Variants in AMDHD1 observed in about 807,000 individuals in gnomAD.
The protein encoded by AMDHD1 is probable imidazolonepropionase.
AMDHD1 carries 45 observed loss-of-function variants against 44.1 expected under a neutral mutation model. The observed-to-expected ratio is 1.02, with a 90% CI of 0.80 to 1.31. AMDHD1 has a LOEUF of 1.31. AMDHD1 is among the 50% of genes most tolerant of loss of function. AMDHD1 has a pLI of 0.00. For missense variants in AMDHD1, 586 were observed against 552.1 expected, an observed-to-expected ratio of 1.06 and a Z score of -0.61; for synonymous variants, 206 against 205.0, an observed-to-expected ratio of 1.00 and a Z score of -0.04.
At chr12:95,965,574 T>C (rs982506569) in intron 6 of AMDHD1, 112 bp from the exon 7 acceptor site, 7 of 595,544 alleles carry the variant, frequency 1.2e-5, no homozygotes, top group Non-Finnish European at 1.8e-5. Flanking sequence ...AGTTTCTGCT[T>C]CTTCTTCCAG....
At chr12:95,959,065 GA>G (rs11322266) in intron 4 of AMDHD1, among the ~76,000 whole-genome samples, 69,851 of 149,372 alleles carry the variant, frequency 0.47, 16,940 homozygotes, top group African/African-American at 0.6. Flanking sequence ...CAAAAAAGAA[GA>G]AAAAAAAAAG....
rs1191242665 is a variant in AMDHD1, at chr12:95,943,472, T to C, written c.74T>C (p.Phe25Ser). ...VVLVCARGER[F>S]LARDALRSLA... ...CTGGTGTGCGCCCGCGGCGAGCGCTTCCTGGCGCGGGATGCGCTGCGCAGC... is the reference window on the plus strand; with the variant it reads ...CTGGTGTGCGCCCGCGGCGAGCGCTCCCTGGCGCGGGATGCGCTGCGCAGC... The change falls in exon 1 of 9, where the codon TTC becomes TCC. Residue 25 changes from phenylalanine to serine, a missense_variant. By Grantham distance (155) the Phe-to-Ser change is radical. Transcript: ENST00000266736. The C allele has an allele frequency of 1.2e-5, 18 of 1,504,166 alleles. No individual in the cohort carries two copies. The highest frequency in any genetic ancestry group is 1.6e-5 in the Non-Finnish European group (18 of 1,131,058). The allele number at this position is 1,504,166 out of a possible 1,614,324, so 93.2% of individuals were successfully genotyped here.
intron 1 of AMDHD1, among the ~76,000 whole-genome samples, chr12:95,946,439 A>C (rs548650501): frequency 6.6e-6 from 1 of 152,130 alleles, no homozygotes; most frequent in Non-Finnish European, 1.5e-5. Flanking sequence ...GAGGATGCAA[A>C]AATGACTAAG....
intron 5 of AMDHD1, 146 bp from the exon 6 acceptor site, chr12:95,962,209 T>A: frequency 8.6e-7 from 1 of 1,159,160 alleles, no homozygotes; most frequent in Non-Finnish European, 1.2e-6. Context: ...GAGGTTGCAG[T>A]GAGCTGAGAT....
At chr12:95,963,427 T>C (rs1030061421) in intron 6 of AMDHD1, among the ~76,000 whole-genome samples, 1 of 152,174 alleles carries the variant, frequency 6.6e-6, no homozygotes, top group African/African-American at 2.4e-5. Context: ...AAGACATGAA[T>C]TGTACTGAGG....
At chr12:95,948,476 T>A (rs1481779916) in intron 1 of AMDHD1, among the ~76,000 whole-genome samples, 2 of 66,564 alleles carry the variant, frequency 3.0e-5, no homozygotes, top group Non-Finnish European at 5.7e-5. Context: ...AGCCGCCCCG[T>A]CCGGGAGGGA....
chr12:95,962,269 TAA>T (rs1491131015), intron 5 of AMDHD1, 84 bp from the exon 6 acceptor site: 6 of 1,213,616 alleles, frequency 4.9e-6, no homozygotes, highest in East Asian at 8.4e-5. Flanking sequence ...GTCTCAAAAA[TAA>T]AACAAACAAA....
At position 95,943,487 on chromosome 12, in the gene AMDHD1, C is replaced by A; in HGVS notation, c.89C>A (p.Ala30Glu). Residue 30 changes from alanine (A) to glutamate (E), a missense_variant, in exon 1 of 9, where the codon GCG becomes GAG. Transcript: ENST00000266736. The part of the protein sequence containing the change: ...ARGERFLARD[A>E]LRSLAVLEGA... ...GGCGAGCGCTTCCTGGCGCGGGATG[C>A]GCTGCGCAGCCTGGCGGTGCTGGAA... 6.7e-7 allele frequency: 1 copy of A among 1,500,198 alleles called. No individual in the cohort carries two copies. The highest frequency in any genetic ancestry group is 1.2e-5 in the South Asian group (1 of 80,786). 92.9% of individuals were successfully genotyped at this position (1,500,198 alleles called of 1,614,324 possible).
chr12:95,947,680 T>G (rs1185791530), intron 1 of AMDHD1, among the ~76,000 whole-genome samples: 1 of 45,768 alleles, frequency 2.2e-5, no homozygotes, highest in Non-Finnish European at 3.6e-5. Flanking sequence ...GGGGCGCCTC[T>G]GCCCGGCCAG....
At chr12:95,953,495 G>A (rs2080534156) in intron 2 of AMDHD1, among the ~76,000 whole-genome samples, 1 of 151,448 alleles carries the variant, frequency 6.6e-6, no homozygotes, top group Non-Finnish European at 1.5e-5. Flanking sequence ...AAACAAAAGG[G>A]CTTCATATTT....
intron 1 of AMDHD1, among the ~76,000 whole-genome samples, chr12:95,949,140 T>TAAAAAAAAAAAAAAAAAAAAAAAAAAATA (rs1170844527): frequency 2.2e-4 from 1 of 4,460 alleles, no homozygotes; most frequent in Non-Finnish European, 3.2e-4. Context: ...AAAAATAAAT[T>TAAAAAAAAAAAAAAAAAAAAAAAAAAATA]AAAAAAAAAA....
chr12:95,952,531 A>G (rs2080529712), intron 1 of AMDHD1, among the ~76,000 whole-genome samples, 186 bp from the exon 2 acceptor site: 1 of 152,164 alleles, frequency 6.6e-6, no homozygotes. Context: ...GCTTTGGCTA[A>G]TCTGGGTCTT....
intron 2 of AMDHD1, 142 bp from the exon 3 acceptor site, chr12:95,954,769 A>C (rs775663948): frequency 4.5e-5 from 31 of 684,960 alleles, no homozygotes; most frequent in Admixed American, 3.8e-4. Flanking sequence ...CAGACAGACA[A>C]ATTCTTCCTT....
intron 4 of AMDHD1, among the ~76,000 whole-genome samples, chr12:95,959,146 C>T (rs2136766417): frequency 6.6e-6 from 1 of 152,296 alleles, no homozygotes; most frequent in Non-Finnish European, 1.5e-5. Context: ...TACCCACCTA[C>T]CCAAATGGTT....
chr12:95,955,486 T>C (rs1446552696), intron 3 of AMDHD1, among the ~76,000 whole-genome samples: 1 of 152,128 alleles, frequency 6.6e-6, no homozygotes, highest in East Asian at 1.9e-4. Context: ...ATGTGCCTCC[T>C]AGCAGCTAAA....
intron 4 of AMDHD1, among the ~76,000 whole-genome samples, chr12:95,958,693 A>G (rs982291767): frequency 6.6e-6 from 1 of 152,226 alleles, no homozygotes; most frequent in African/African-American, 2.4e-5. Context: ...TTTTCTGAAC[A>G]TGAATTACTC....
At chr12:95,944,979 C>CAAA (rs1259929186) in intron 1 of AMDHD1, among the ~76,000 whole-genome samples, 1 of 152,010 alleles carries the variant, frequency 6.6e-6, no homozygotes, top group Non-Finnish European at 1.5e-5. Flanking sequence ...ACTAAAAATA[C>CAAA]AAACATTAGC....
At position 95,956,943 on chromosome 12, in the gene AMDHD1, G is replaced by C. The variant is rs1447535570; in HGVS notation, c.568G>C (p.Gly190Arg). 1.2e-6 allele frequency: 2 copies of C among 1,612,348 alleles called. No homozygotes were observed. Among genetic ancestry groups the C allele is most frequent in the Non-Finnish European group, 1.7e-6 (2 of 1,179,906 alleles). ...LDIGISATYC[G>R]AHSVPKGKTA... ...CATCGGCATCTCGGCTACCTACTGC[G>C]GGGCTCATTCAGTGCCTAAGTAATC... Residue 190 changes from glycine (G) to arginine (R), a missense_variant, in exon 4 of 9, where the codon GGG becomes CGG. Coordinates refer to ENST00000266736, the MANE Select transcript of AMDHD1 (RefSeq NM_152435.3).
At chr12:95,961,817 C>G (rs796643946) in intron 5 of AMDHD1, among the ~76,000 whole-genome samples, 64 of 152,360 alleles carry the variant, frequency 4.2e-4, no homozygotes, top group African/African-American at 1.5e-3. Flanking sequence ...CAGAAAATGT[C>G]TGAAGGATTT....
Sources: gnomAD v4.1 joint callset for allele counts (sites outside exome capture counted in the v4.1 genomes callset) on GRCh38, gnomAD v4.1.1 for gene constraint, MANE v1.5 for transcripts, NCBI Gene and HGNC (gene_info 2026-07-23, HGNC 2026-07-21) for gene names.